F8: variants seen among roughly 807,000 people sequenced by gnomAD.
F8 encodes the protein coagulation factor VIII, also known as antihemophilic factor.
F8 carries 12 observed loss-of-function variants against 140.6 expected under a neutral mutation model. The observed-to-expected ratio is 0.09, with a 90% CI of 0.05 to 0.14. The LOEUF is 0.14. F8 is among the 10% of genes least tolerant of loss of function. The probability of loss-of-function intolerance (pLI) is 1.00; values close to 1 mark genes in which losing one functional copy is unlikely to be tolerated. For missense variants in F8, 1,354 were observed against 1,720.7 expected, an observed-to-expected ratio of 0.79 and a Z score of 3.77; for synonymous variants, 585 against 614.6, an observed-to-expected ratio of 0.95 and a Z score of 0.71.
At chrX:154,911,357 A>AC (rs1313434594) in intron 14 of F8, among the ~76,000 whole-genome samples, 5 of 100,804 alleles carry the variant, frequency 5.0e-5, no homozygotes, top group South Asian at 4.8e-4. Flanking sequence ...ATTCCATCCC[A>AC]CCCCCCCATA....
chrX:155,020,849 T>C (rs1224147980), intron 1 of F8, among the ~76,000 whole-genome samples: 1 of 112,435 alleles, frequency 8.9e-6, no homozygotes, highest in Non-Finnish European at 1.9e-5. Context: ...CTTATCGCTA[T>C]GTGAATGCAG....
At chrX:155,016,973 T>A (rs1341799114) in intron 1 of F8, among the ~76,000 whole-genome samples, 4 of 112,545 alleles carry the variant, frequency 3.6e-5, no homozygotes, top group African/African-American at 1.3e-4. Context: ...AAATTAAACT[T>A]TGCAGATGGA....
chrX:155,022,612 C>T lies in F8; in HGVS notation c.-60G>A. Reference sequence around the variant, plus strand: ...AAAGGTTAATTCTTCTCTAAAATATCTTTAGCTCCCAGGAGGGGAAAAAAG... The same window carrying T: ...AAAGGTTAATTCTTCTCTAAAATATTTTTAGCTCCCAGGAGGGGAAAAAAG... On this transcript the variant is annotated 5_prime_UTR_variant, in exon 1 of 26. Coordinates refer to ENST00000360256, the MANE Select transcript of F8 (RefSeq NM_000132.4). 1 of 1,209,639 alleles carries T rather than the reference C, an allele frequency of 8.3e-7. No homozygotes were observed. The highest frequency in any genetic ancestry group is 1.7e-5 in the African/African-American group (1 of 57,844).
intron 1 of F8, among the ~76,000 whole-genome samples, chrX:155,005,499 A>G (rs17281398): frequency 0.066 from 7,302 of 110,770 alleles, 255 homozygotes; most frequent in Middle Eastern, 0.11. Context: ...GATGAGTACC[A>G]GTTGCAGACT....
In F8 at chrX:155,022,650, T is replaced by C. The variant is rs2073766123; in HGVS notation, c.-98A>G. The C allele has an allele frequency of 8.4e-7, 1 of 1,192,104 alleles. No individual in the cohort carries two copies. Among genetic ancestry groups the C allele is most frequent in the East Asian group, 3.0e-5 (1 of 33,073 alleles). On this transcript the variant is annotated 5_prime_UTR_variant, in exon 1 of 26. Transcript: ENST00000360256. ...GAGGGGAAAAAAGTAAAATTTCTGATTTAATGAAAAGTCCCAATTTCTTTG... is the reference window on the plus strand; with the variant it reads ...GAGGGGAAAAAAGTAAAATTTCTGACTTAATGAAAAGTCCCAATTTCTTTG...
chrX:155,012,467 C>A (rs2073710677), intron 1 of F8, among the ~76,000 whole-genome samples: 1 of 110,658 alleles, frequency 9.0e-6, no homozygotes, highest in African/African-American at 3.3e-5. Context: ...TATGTTACCA[C>A]ACTTGGCTAA....
intron 22 of F8, among the ~76,000 whole-genome samples, chrX:154,865,746 C>G (rs1289030319): frequency 7.7e-5 from 5 of 65,240 alleles, no homozygotes; most frequent in African/African-American, 3.1e-4. Context: ...AGAATCAAAA[C>G]ACATCCAAGC....
chrX:154,874,109 C>A (rs2072795068), intron 22 of F8, among the ~76,000 whole-genome samples: 1 of 112,146 alleles, frequency 8.9e-6, no homozygotes, highest in South Asian at 3.6e-4. Context: ...GGGTAAGAAA[C>A]TCAAACAACT....
At chrX:154,893,621 CCTAT>C (rs781910908) in intron 22 of F8, among the ~76,000 whole-genome samples, 2 of 111,182 alleles carry the variant, frequency 1.8e-5, no homozygotes, top group Non-Finnish European at 3.8e-5. Flanking sequence ...TGCCCAAATT[CCTAT>C]CTAAGGGGTC....
intron 25 of F8, among the ~76,000 whole-genome samples, chrX:154,849,461 CTT>C (rs782727629): frequency 5.8e-5 from 5 of 86,614 alleles, no homozygotes; most frequent in African/African-American, 4.3e-5. Flanking sequence ...TTTACTTTTG[CTT>C]TTTTTTTTTT....
intron 22 of F8, among the ~76,000 whole-genome samples, chrX:154,880,587 A>G (rs73563631): frequency 0.012 from 1,386 of 112,399 alleles, 24 homozygotes; most frequent in African/African-American, 0.042. Context: ...AGCTGTAATT[A>G]ATCACTTGAG....
chrX:154,971,915 C>G (rs1482212741), intron 6 of F8, among the ~76,000 whole-genome samples: 1 of 112,192 alleles, frequency 8.9e-6, no homozygotes, highest in East Asian at 2.8e-4. Flanking sequence ...GTTTCTTTAT[C>G]CATTCATCCA....
At chrX:154,988,060 ATAGATAAAGC>A (rs370146858) in intron 4 of F8, among the ~76,000 whole-genome samples, 33 of 112,159 alleles carry the variant, frequency 2.9e-4, no homozygotes, top group African/African-American at 1.0e-3. Context: ...GATAAGAGAC[ATAGATAAAGC>A]TAACTGCAGA....
rs782157486 is a variant in F8, at chrX:154,936,932, C to T, written c.2114-5256G>A. ...AGCAACAGAGAGAGAGCCAGAAAATCGCCATATATTGGGAAATTAAGTAAA... is the reference window on the plus strand; with the variant it reads ...AGCAACAGAGAGAGAGCCAGAAAATTGCCATATATTGGGAAATTAAGTAAA... On this transcript the variant is annotated intron_variant, in intron 13 of 25. Coordinates refer to ENST00000360256, the MANE Select transcript of F8 (RefSeq NM_000132.4). 6.3e-5 allele frequency among the ~76,000 whole-genome samples: 7 copies of T among 110,859 alleles called. No individual in the cohort carries two copies. In the East Asian group the frequency reaches 2.0e-3, roughly 31 times the overall value.
At chrX:155,008,348 G>A (rs2073687165) in intron 1 of F8, among the ~76,000 whole-genome samples, 2 of 112,254 alleles carry the variant, frequency 1.8e-5, no homozygotes, top group Admixed American at 9.3e-5. Context: ...TCTGGGACCC[G>A]CAGCAGAAAG....
intron 6 of F8, 22 bp downstream of exon 6, chrX:154,984,665 T>C (rs369399757): frequency 9.0e-7 from 1 of 1,115,533 alleles, no homozygotes; most frequent in Admixed American, 2.2e-5. Context: ...CCCTGAGGAT[T>C]GTTGAGCAGG....
At chrX:154,880,823 C>T (rs192186968) in intron 22 of F8, among the ~76,000 whole-genome samples, 78 of 111,592 alleles carry the variant, frequency 7.0e-4, no homozygotes, top group African/African-American at 2.4e-3. Context: ...GAATATTTCT[C>T]GTTGGTGTTG....
At chrX:154,968,055 C>G (rs1404785495) in intron 7 of F8, among the ~76,000 whole-genome samples, 1 of 111,663 alleles carries the variant, frequency 9.0e-6, no homozygotes, top group African/African-American at 3.3e-5. Flanking sequence ...AAAGATTAGG[C>G]CTCTCCGACA....
Position 154,835,973 on chromosome X carries a change from T to C in F8, c.*1624A>G, listed in dbSNP as rs909428661. The C allele has an allele frequency of 1.9e-4, 21 of 112,158 alleles. No homozygotes were observed. The highest frequency in any genetic ancestry group is 6.5e-4 in the African/African-American group (20 of 30,877). 9.2% of individuals were successfully genotyped at this position (112,158 alleles called of 1,213,427 possible). Reference sequence around the variant, plus strand: ...AAACCATATCACCTTTGGGGTTAACTCCTCTACCGGGCTATAAAACAAAAC... The same window carrying C: ...AAACCATATCACCTTTGGGGTTAACCCCTCTACCGGGCTATAAAACAAAAC... On this transcript the variant is annotated 3_prime_UTR_variant, in exon 26 of 26. Transcript: ENST00000360256.
Sources: allele counts gnomAD v4.1 joint callset (sites outside exome capture counted in the v4.1 genomes callset), GRCh38; gene constraint gnomAD v4.1.1; transcripts MANE v1.5; gene names NCBI Gene and HGNC (gene_info 2026-07-23, HGNC 2026-07-21).